The following PHACTR2 variants were observed in gnomAD, a reference collection of about 807,000 sequenced individuals.
The protein encoded by PHACTR2 is phosphatase and actin regulator 2.
Under a neutral mutation model 76.0 loss-of-function variants are expected in PHACTR2, and 30 were observed. The observed-to-expected ratio is 0.39, with a 90% confidence interval of 0.30 to 0.54. The LOEUF is 0.54. Ranked by LOEUF, PHACTR2 falls within the 20% of genes least tolerant of loss-of-function variation. The pLI, the probability that PHACTR2 is intolerant of heterozygous loss-of-function variation, is 0.61. For synonymous variants in PHACTR2, 292 were observed against 292.5 expected (o/e 1.00, Z 0.02); for missense variants, 696 against 781.1 (o/e 0.89, Z 1.30).
chr6:143,631,207 T>G (rs1776357383), intron 1 of PHACTR2, among the ~76,000 whole-genome samples: 1 of 152,150 alleles, frequency 6.6e-6, no homozygotes, highest in South Asian at 2.1e-4. Context: ...ATTTGTTTTT[T>G]AGAGACAGGG....
intron 1 of PHACTR2, among the ~76,000 whole-genome samples, chr6:143,612,979 T>C (rs574054817): frequency 6.6e-6 from 1 of 152,356 alleles, no homozygotes; most frequent in East Asian, 1.9e-4. Context: ...TGTAAATATA[T>C]TTTTGTTTTT....
At position 143,806,776 on chromosome 6, in the gene PHACTR2, A is replaced by G. The variant is rs1776075365; in HGVS notation, c.1846-281A>G. ...CGAGATCAGCCTGGGCAACATCTTG[A>G]GACTGTGTCTCTACCAAAAAAAATT... On this transcript the variant is annotated intron_variant, in intron 11 of 12. Transcript: ENST00000440869. The surrounding 1 kb of genome is among the most constrained non-coding windows in gnomAD (Gnocchi z 5.8). Among the ~76,000 whole-genome samples the G allele has an allele frequency of 6.6e-6, 1 of 152,108 alleles. No homozygotes were observed. Among genetic ancestry groups the G allele is most frequent in the South Asian group, 2.1e-4 (1 of 4,818 alleles).
In PHACTR2 at chr6:143,776,490, G is replaced by A. The variant is rs926939336; in HGVS notation, c.1590-838G>A. Among the ~76,000 whole-genome samples the A allele has an allele frequency of 2.6e-5, 4 of 152,162 alleles. No individual in the cohort carries two copies. Among genetic ancestry groups the A allele is most frequent in the Non-Finnish European group, 5.9e-5 (4 of 68,046 alleles). On this transcript the variant is annotated intron_variant, in intron 8 of 12. Transcript: ENST00000440869. This position sits in a 1 kb window ranked among gnomAD's most constrained non-coding sequence, Gnocchi z 5.3. ...TTGCGTTCACGGCATAGCAACAACC[G>A]CATTTTAAATACTTAACTATTCACA... is the stretch of plus-strand genomic sequence containing the variant.
At chr6:143,802,653 A>AAAAAAAG (rs2128482738) in intron 11 of PHACTR2, among the ~76,000 whole-genome samples, 1 of 151,578 alleles carries the variant, frequency 6.6e-6, no homozygotes, top group African/African-American at 2.4e-5. Flanking sequence ...GTCTCAAAAA[A>AAAAAAAG]AAAAAAAAAA....
intron 1 of PHACTR2, among the ~76,000 whole-genome samples, chr6:143,629,892 G>A (rs939358253): frequency 3.3e-5 from 5 of 152,124 alleles, no homozygotes; most frequent in Non-Finnish European, 7.4e-5. Context: ...GGAACAACCT[G>A]TAAAATGTGC....
Position 143,827,106 on chromosome 6 carries a change from G to A in PHACTR2, c.*3417G>A, listed in dbSNP as rs1435855777. ...TAAAACCTGAGTCAAAAAAGGTCCA[G>A]TTTTACAGCCTGCAATTAATTCAGG... On this transcript the variant is annotated 3_prime_UTR_variant, in exon 13 of 13. Coordinates refer to ENST00000440869, the MANE Select transcript of PHACTR2 (RefSeq NM_001100164.2). 1 of 139,088 alleles carries A rather than the reference G, an allele frequency of 7.2e-6. No individual in the cohort carries two copies. Among genetic ancestry groups the A allele is most frequent in the Non-Finnish European group, 1.5e-5 (1 of 65,736 alleles). 8.6% of individuals were successfully genotyped at this position (139,088 alleles called of 1,614,324 possible). A position where few individuals can be genotyped will look rare whatever the true frequency, so the allele number is the denominator to read the frequency against.
rs1180479484 is a variant in PHACTR2, at chr6:143,627,444, T to C, written c.13+19122T>C. On this transcript the variant is annotated intron_variant, in intron 1 of 11. Transcript: ENST00000305766. This position sits in a 1 kb window ranked among gnomAD's most constrained non-coding sequence, Gnocchi z 4.3. ...ATTGAGTTCCTAATTATGGGTAATA[T>C]ACTCAGCTACTACGTCAGGTAGCCT... Among the ~76,000 whole-genome samples the C allele has an allele frequency of 6.6e-6, 1 of 152,210 alleles. No homozygotes were observed. The highest frequency in any genetic ancestry group is 1.5e-5 in the Non-Finnish European group (1 of 68,038).
chr6:143,668,981 C>A (rs1777097171), intron 1 of PHACTR2, among the ~76,000 whole-genome samples: 1 of 152,158 alleles, frequency 6.6e-6, no homozygotes. Flanking sequence ...GATTTTAGAT[C>A]TTTCCTGCTT....
rs1321936322 is a variant in PHACTR2 at position 143,658,443 on chromosome 6, T to A, written c.13+50121T>A. Among the ~76,000 whole-genome samples the A allele has an allele frequency of 6.6e-6, 1 of 152,194 alleles. No homozygotes were observed. The highest frequency in any genetic ancestry group is 2.1e-4 in the South Asian group (1 of 4,826). On this transcript the variant is annotated intron_variant, in intron 1 of 11. Transcript: ENST00000305766. The surrounding 1 kb of genome is among the most constrained non-coding windows in gnomAD (Gnocchi z 4.1). ...GATTTTTTTCAATAAAGTACAACCATGCATTGCTTAAAGACAGGGATACAA... is the reference window on the plus strand; with the variant it reads ...GATTTTTTTCAATAAAGTACAACCAAGCATTGCTTAAAGACAGGGATACAA...
At position 143,700,578 on chromosome 6, in the gene PHACTR2, G is replaced by A. The variant is rs984488905; in HGVS notation, c.47-11438G>A. 2.6e-5 allele frequency among the ~76,000 whole-genome samples: 4 copies of A among 152,104 alleles called. No individual in the cohort carries two copies. Among genetic ancestry groups the A allele is most frequent in the African/African-American group, 9.7e-5 (4 of 41,418 alleles). On this transcript the variant is annotated intron_variant, in intron 1 of 12. Transcript: ENST00000440869. This position sits in a 1 kb window ranked among gnomAD's most constrained non-coding sequence, Gnocchi z 4.1. ...ATTGGGGGCAGTGGGGAGGGGGGGC[G>A]AGAGGAGAACTGTGATATTTCAGTA...
rs548594235 is a variant in PHACTR2 at position 143,612,375 on chromosome 6, G to A, written c.13+4053G>A. On this transcript the variant is annotated intron_variant, in intron 1 of 11. Coordinates refer to the PHACTR2 transcript ENST00000305766. ...CCCAGGTTGTCATGCCAAAGTTCCT[G>A]AACAGCTAAAGATGGTGACTCAGGA... is the stretch of plus-strand genomic sequence containing the variant. 3.9e-5 allele frequency among the ~76,000 whole-genome samples: 6 copies of A among 152,304 alleles called. No homozygotes were observed. In the East Asian group the frequency reaches 9.6e-4, roughly 24 times the overall value.
rs967416683 is a variant in PHACTR2, at chr6:143,541,650, T to G, written c.217+4443T>G. 1.3e-5 allele frequency among the ~76,000 whole-genome samples: 2 copies of G among 152,190 alleles called. No homozygotes were observed. The highest frequency in any genetic ancestry group is 2.9e-5 in the Non-Finnish European group (2 of 68,044). On this transcript the variant is annotated intron_variant, in intron 1 of 11. Transcript: ENST00000367584. This position sits in a 1 kb window ranked among gnomAD's most constrained non-coding sequence, Gnocchi z 5.3. ...GGGGTAACAGCAAATCCAGGATCTTTTTCTCAAATCTTTAATTCCTGGTGT... is the reference window on the plus strand; with the variant it reads ...GGGGTAACAGCAAATCCAGGATCTTGTTCTCAAATCTTTAATTCCTGGTGT...
intron 1 of PHACTR2, among the ~76,000 whole-genome samples, chr6:143,645,908 G>A (rs1269726569): frequency 6.6e-6 from 1 of 151,978 alleles, no homozygotes; most frequent in African/African-American, 2.4e-5. Flanking sequence ...ACTAGAGTGT[G>A]GAAGTCATTC....
At chr6:143,612,386 G>C (rs1775992732) in intron 1 of PHACTR2, among the ~76,000 whole-genome samples, 1 of 152,192 alleles carries the variant, frequency 6.6e-6, no homozygotes, top group African/African-American at 2.4e-5. Context: ...AACAGCTAAA[G>C]ATGGTGACTC....
Position 143,671,988 on chromosome 6 carries a change from T to C in PHACTR2, c.14-40028T>C, listed in dbSNP as rs536794455. Among the ~76,000 whole-genome samples the C allele has an allele frequency of 6.6e-6, 1 of 152,246 alleles. No homozygotes were observed. The highest frequency in any genetic ancestry group is 2.1e-4 in the South Asian group (1 of 4,818). On this transcript the variant is annotated intron_variant, in intron 1 of 11. Coordinates refer to the PHACTR2 transcript ENST00000305766. The surrounding 1 kb of genome is among the most constrained non-coding windows in gnomAD (Gnocchi z 4.6). Reference sequence around the variant, plus strand: ...GATTAAAAAAAACTGTACATAATATTATTCCATTTGTAAGAAATTTTAGAT... The same window carrying C: ...GATTAAAAAAAACTGTACATAATATCATTCCATTTGTAAGAAATTTTAGAT...
Position 143,711,410 on chromosome 6 carries a change from A to G in PHACTR2, c.47-606A>G, listed in dbSNP as rs952760656. On this transcript the variant is annotated intron_variant, in intron 1 of 12. Coordinates refer to ENST00000440869, the MANE Select transcript of PHACTR2 (RefSeq NM_001100164.2). ...CTGATTAATAAAATAGTGAAGACAT[A>G]CAAAGACATGTTTTTATCACACACA... is the stretch of plus-strand genomic sequence containing the variant. Among the ~76,000 whole-genome samples, 7 of 152,256 alleles carry G rather than the reference A, an allele frequency of 4.6e-5. No individual in the cohort carries two copies. The East Asian group carries it at 5.8e-4, about 13-fold the overall frequency.
rs1432040063 is a variant in PHACTR2, at chr6:143,811,803, T to G, written c.1922+4670T>G. 6.6e-6 allele frequency among the ~76,000 whole-genome samples: 1 copy of G among 152,174 alleles called. No individual in the cohort carries two copies. The highest frequency in any genetic ancestry group is 1.5e-5 in the Non-Finnish European group (1 of 68,020). ...CAGTAATTCTTTTAAGGGGAAAAAG[T>G]TCTGGTAATCACTACTCTTTCTAAT... On this transcript the variant is annotated intron_variant, in intron 12 of 12. Coordinates refer to ENST00000440869, the MANE Select transcript of PHACTR2 (RefSeq NM_001100164.2). This position sits in a 1 kb window ranked among gnomAD's most constrained non-coding sequence, Gnocchi z 4.1.
Position 143,664,142 on chromosome 6 carries a change from A to T in PHACTR2, c.14-47874A>T, listed in dbSNP as rs1032614432. On this transcript the variant is annotated intron_variant, in intron 1 of 11. Coordinates refer to the PHACTR2 transcript ENST00000305766. The surrounding 1 kb of genome is among the most constrained non-coding windows in gnomAD (Gnocchi z 5.1). ...GTTAGATTATAATTTTTGTCATTAC[A>T]CTATATAATATGTCCCTCTATACTA... Among the ~76,000 whole-genome samples the T allele has an allele frequency of 6.6e-6, 1 of 152,034 alleles. No homozygotes were observed. Among genetic ancestry groups the T allele is most frequent in the Non-Finnish European group, 1.5e-5 (1 of 67,952 alleles).
chr6:143,796,384 TTTC>T (rs1775821671), intron 11 of PHACTR2, among the ~76,000 whole-genome samples: 1 of 26,308 alleles, frequency 3.8e-5, no homozygotes, highest in Non-Finnish European at 9.1e-5. Context: ...TTTTCTTTTC[TTTC>T]TTTCTTTCTT....
Sources: gnomAD v4.1 joint callset for allele counts (sites outside exome capture counted in the v4.1 genomes callset) on GRCh38, gnomAD v4.1.1 for gene constraint, Gnocchi (gnomAD v3.1) non-coding constraint, MANE v1.5 for transcripts, NCBI Gene and HGNC (gene_info 2026-07-23, HGNC 2026-07-21) for gene names.